MYO5A: variants seen among roughly 807,000 people sequenced by gnomAD.
MYO5A encodes unconventional myosin-Va.
MYO5A carries 98 observed loss-of-function variants against 249.7 expected under a neutral mutation model. That is an observed-to-expected ratio of 0.39 (90% CI 0.33 to 0.46). The LOEUF (loss-of-function observed/expected upper bound fraction) is 0.46, where lower values mean the gene tolerates loss of function less well. MYO5A is among the 20% of genes least tolerant of loss of function. The pLI is 0.98. For synonymous variants in MYO5A, 778 were observed against 810.6 expected (o/e 0.96, Z 0.68); for missense variants, 1,696 against 2,308.8 (o/e 0.73, Z 5.44).
At chr15:52,476,739 G>A in intron 1 of MYO5A, among the ~76,000 whole-genome samples, 1 of 152,224 alleles carries the variant, frequency 6.6e-6, no homozygotes. Context: ...CTTCTGGCTT[G>A]TAGAGTTTCT....
Position 52,519,863 on chromosome 15 carries a change from T to C in MYO5A, c.27+8917A>G, listed in dbSNP as rs879293812. Among the ~76,000 whole-genome samples, 11 of 152,030 alleles carry C rather than the reference T, an allele frequency of 7.2e-5. No homozygotes were observed. In the South Asian group the frequency reaches 1.2e-3, roughly 17 times the overall value. ...CTCCTGCCTCGGCCTCCTGAGTAGC[T>C]GGGATTACAGGCACACGCCACCACG... On this transcript the variant is annotated intron_variant, in intron 1 of 41. Transcript: ENST00000399233.
intron 1 of MYO5A, among the ~76,000 whole-genome samples, chr15:52,525,694 C>A (rs2077718376): frequency 6.6e-6 from 1 of 152,210 alleles, no homozygotes; most frequent in Non-Finnish European, 1.5e-5. Context: ...GGGGAAGATC[C>A]TTGTGCTTAT....
intron 41 of MYO5A, 110 bp from the exon 42 acceptor site, chr15:52,313,958 C>T (rs2037868025): frequency 1.4e-6 from 2 of 1,436,936 alleles, no homozygotes; most frequent in East Asian, 2.4e-5. Context: ...AGAATGTTTA[C>T]TTTTGTTTTA....
At chr15:52,331,594 C>T in intron 34 of MYO5A, 1 of 828,998 alleles carries the variant, frequency 1.2e-6, no homozygotes, top group Non-Finnish European at 1.5e-6. Flanking sequence ...ATTGCTGACT[C>T]CACGAGGTGT....
chr15:52,359,592 G>A lies in MYO5A; in HGVS notation c.3423+376C>T, dbSNP rs539980735. The stretch of plus-strand genomic sequence containing the variant: ...AAAATAATTTACCTCTGTCTACAGC[G>A]GTGGTCCACAGATATAAAGTAAATA... On this transcript the variant is annotated intron_variant, in intron 25 of 41. Coordinates refer to ENST00000399233, the MANE Select transcript of MYO5A (RefSeq NM_001382347.1). Among the ~76,000 whole-genome samples, 8 of 152,106 alleles carry A rather than the reference G, an allele frequency of 5.3e-5. No individual in the cohort carries two copies. The East Asian group carries it at 9.6e-4, about 18-fold the overall frequency.
At chr15:52,330,282 T>A in intron 35 of MYO5A, 71 bp downstream of exon 35, 1 of 1,588,880 alleles carries the variant, frequency 6.3e-7, no homozygotes, top group Non-Finnish European at 8.6e-7. Context: ...TCTCAAAAAT[T>A]AGTGACTAGT....
At chr15:52,390,239 TA>T (rs1211383967) in intron 12 of MYO5A, among the ~76,000 whole-genome samples, 1 of 152,146 alleles carries the variant, frequency 6.6e-6, no homozygotes, top group Non-Finnish European at 1.5e-5. Context: ...ATAATTTAAT[TA>T]TACATTTAAG....
chr15:52,408,007 G>A (rs2043084450), intron 7 of MYO5A, 52 bp downstream of exon 7: 3 of 1,187,290 alleles, frequency 2.5e-6, no homozygotes, highest in Admixed American at 1.7e-5. Flanking sequence ...TAGGAACTTG[G>A]AAATTAACAG....
At chr15:52,409,223 T>C (rs1018160403) in intron 6 of MYO5A, among the ~76,000 whole-genome samples, 2 of 152,098 alleles carry the variant, frequency 1.3e-5, no homozygotes, top group Non-Finnish European at 2.9e-5. Flanking sequence ...CCAAGGACCA[T>C]CTTTCCCCCC....
intron 1 of MYO5A, among the ~76,000 whole-genome samples, chr15:52,487,757 A>T (rs1415495091): frequency 6.6e-6 from 1 of 151,442 alleles, no homozygotes; most frequent in African/African-American, 2.4e-5. Context: ...ACACTATGAC[A>T]TTTCCTGGTT....
intron 11 of MYO5A, among the ~76,000 whole-genome samples, chr15:52,394,550 G>A (rs1400761202): frequency 6.6e-6 from 1 of 152,204 alleles, no homozygotes; most frequent in Non-Finnish European, 1.5e-5. Flanking sequence ...GGAAGAGGGG[G>A]CAGAGCAGTT....
At chr15:52,505,624 G>A in intron 1 of MYO5A, 1 of 1,356,328 alleles carries the variant, frequency 7.4e-7, no homozygotes, top group Non-Finnish European at 1.1e-6. Flanking sequence ...CTTATTAGAT[G>A]TGAAATCTTG....
chr15:52,497,816 A>G (rs187005714), intron 1 of MYO5A, among the ~76,000 whole-genome samples: 2 of 151,850 alleles, frequency 1.3e-5, no homozygotes. Context: ...GGATAACTTA[A>G]AAACTGCCAA....
At chr15:52,502,173 C>T (rs2077172966) in intron 1 of MYO5A, among the ~76,000 whole-genome samples, 1 of 152,096 alleles carries the variant, frequency 6.6e-6, no homozygotes, top group Non-Finnish European at 1.5e-5. Context: ...ATCCCAACTA[C>T]TCAGGAGGCT....
intron 1 of MYO5A, among the ~76,000 whole-genome samples, chr15:52,462,969 C>T (rs2076283085): frequency 2.6e-5 from 4 of 152,068 alleles, no homozygotes; most frequent in Admixed American, 2.6e-4. Context: ...TATGATTGAA[C>T]TGATAGAGAA....
intron 1 of MYO5A, among the ~76,000 whole-genome samples, chr15:52,524,011 A>G (rs2077678683): frequency 6.6e-6 from 1 of 152,246 alleles, no homozygotes; most frequent in Non-Finnish European, 1.5e-5. Context: ...GAAAAAATCT[A>G]GGCCATGTGG....
rs3751618 is a variant in MYO5A, at chr15:52,313,459, C to T, written c.*237G>A. ...TCCATCATTCTCCTGTATGTAAACT[C>T]ACGGTACCTAGTTGGTTAAGGATGA... On this transcript the variant is annotated 3_prime_UTR_variant, in exon 42 of 42. Coordinates refer to ENST00000399233, the MANE Select transcript of MYO5A (RefSeq NM_001382347.1). The T allele has an allele frequency of 9.6e-4, 504 of 522,618 alleles. 5 individuals carry two copies. The East Asian group carries it at 0.011, about 12-fold the overall frequency. 32.4% of individuals were successfully genotyped at this position (522,618 alleles called of 1,614,324 possible).
chr15:52,318,476 A>AT (rs1283981767), intron 39 of MYO5A, among the ~76,000 whole-genome samples: 1 of 151,450 alleles, frequency 6.6e-6, no homozygotes, highest in African/African-American at 2.4e-5. Flanking sequence ...AAAAAAAAAA[A>AT]AAATTTGCAA....
At chr15:52,424,242 G>T (rs1406511606) in intron 4 of MYO5A, among the ~76,000 whole-genome samples, 1 of 152,150 alleles carries the variant, frequency 6.6e-6, no homozygotes, top group East Asian at 1.9e-4. Context: ...AGCAGAAGCT[G>T]GCATAATATG....
Sources: gnomAD v4.1 joint callset for allele counts (sites outside exome capture counted in the v4.1 genomes callset) on GRCh38, gnomAD v4.1.1 for gene constraint, MANE v1.5 for transcripts, NCBI Gene and HGNC (gene_info 2026-07-23, HGNC 2026-07-21) for gene names.